SNTG1: variants seen among roughly 807,000 people sequenced by gnomAD.
The protein encoded by SNTG1 is syntrophin gamma 1.
A neutral mutation model predicts 74.7 loss-of-function variants in SNTG1; 39 were observed. That is an observed-to-expected ratio of 0.52 (90% CI 0.40 to 0.68). The LOEUF (loss-of-function observed/expected upper bound fraction) is 0.68. Among genes scored for constraint, SNTG1 ranks in the 30% least tolerant of loss-of-function variants. The probability of loss-of-function intolerance (pLI) is 0.00; values close to 1 mark genes in which losing one functional copy is unlikely to be tolerated. For missense variants in SNTG1, 685 were observed against 609.5 expected (o/e 1.12, Z -1.30); for synonymous variants, 254 against 217.1 (o/e 1.17, Z -1.49).
At chr8:50,024,609 A>AT in intron 1 of SNTG1, among the ~76,000 whole-genome samples, 1 of 152,078 alleles carries the variant, frequency 6.6e-6, no homozygotes, top group East Asian at 1.9e-4. Context: ...TACATGCCAT[A>AT]TTTTTCCCTT....
At chr8:50,305,049 C>T (rs7830244) in intron 2 of SNTG1, among the ~76,000 whole-genome samples, 9,220 of 151,982 alleles carry the variant, frequency 0.061, 314 homozygotes, top group South Asian at 0.075. Context: ...ATTACAGGTG[C>T]GGACCACTAC....
intron 2 of SNTG1, among the ~76,000 whole-genome samples, chr8:50,273,813 G>A (rs1383482878): frequency 6.6e-6 from 1 of 152,130 alleles, no homozygotes; most frequent in African/African-American, 2.4e-5. Flanking sequence ...TTTGACTGAA[G>A]CCAAAGAGGG....
intron 2 of SNTG1, among the ~76,000 whole-genome samples, chr8:50,187,109 C>T (rs762160586): frequency 9.2e-5 from 14 of 151,918 alleles, no homozygotes; most frequent in Non-Finnish European, 1.6e-4. Context: ...TTTATAGGTT[C>T]AATGCTATTT....
intron 1 of SNTG1, among the ~76,000 whole-genome samples, chr8:50,075,592 G>A (rs768831999): frequency 1.3e-5 from 2 of 152,206 alleles, no homozygotes; most frequent in South Asian, 2.1e-4. Flanking sequence ...AAAGCAGGCT[G>A]CCAGAGCCAG....
At chr8:50,637,111 A>C (rs1254726085) in intron 13 of SNTG1, among the ~76,000 whole-genome samples, 3 of 152,224 alleles carry the variant, frequency 2.0e-5, no homozygotes, top group Non-Finnish European at 4.4e-5. Context: ...ATCTAATCAC[A>C]TGGTCATATC....
intron 8 of SNTG1, among the ~76,000 whole-genome samples, chr8:50,466,899 T>A (rs2093612779): frequency 6.6e-6 from 1 of 151,996 alleles, no homozygotes; most frequent in Non-Finnish European, 1.5e-5. Flanking sequence ...TTGCTATACT[T>A]CTTCATTAGT....
At chr8:50,423,318 G>A (rs538308357) in intron 4 of SNTG1, among the ~76,000 whole-genome samples, 51 of 152,178 alleles carry the variant, frequency 3.4e-4, no homozygotes, top group African/African-American at 1.2e-3. Flanking sequence ...GTATATAGTA[G>A]CCACACAACA....
At chr8:50,262,908 A>G (rs901731709) in intron 2 of SNTG1, among the ~76,000 whole-genome samples, 2 of 152,236 alleles carry the variant, frequency 1.3e-5, no homozygotes, top group Non-Finnish European at 2.9e-5. Flanking sequence ...GAGAGAATTT[A>G]AATCACTTGT....
chr8:50,514,067 A>G (rs1322782522), intron 9 of SNTG1, among the ~76,000 whole-genome samples: 2 of 152,050 alleles, frequency 1.3e-5, no homozygotes, highest in Non-Finnish European at 2.9e-5. Context: ...CCCCTGCAAT[A>G]TTTCACTTTT....
chr8:49,960,417 G>C (rs1414146289), intron 1 of SNTG1, among the ~76,000 whole-genome samples: 1 of 151,954 alleles, frequency 6.6e-6, no homozygotes, highest in Non-Finnish European at 1.5e-5. Flanking sequence ...TATGTTTTTG[G>C]GCCACTTACA....
intron 1 of SNTG1, among the ~76,000 whole-genome samples, chr8:50,131,860 T>C (rs1460968618): frequency 2.0e-5 from 3 of 152,060 alleles, no homozygotes; most frequent in Non-Finnish European, 4.4e-5. Context: ...TTTATATATA[T>C]ACAATATATA....
chr8:50,114,331 C>T (rs1355699781), intron 1 of SNTG1, among the ~76,000 whole-genome samples: 1 of 152,086 alleles, frequency 6.6e-6, no homozygotes, highest in African/African-American at 2.4e-5. Context: ...TAGTGACAAA[C>T]ATGCAATAAC....
chr8:50,095,298 A>G (rs2079886170), intron 1 of SNTG1, among the ~76,000 whole-genome samples: 1 of 152,154 alleles, frequency 6.6e-6, no homozygotes, highest in African/African-American at 2.4e-5. Context: ...CATACCCCCA[A>G]ACCTACAATA....
intron 1 of SNTG1, among the ~76,000 whole-genome samples, chr8:50,153,461 G>A (rs914803043): frequency 8.5e-5 from 13 of 152,192 alleles, no homozygotes; most frequent in African/African-American, 1.9e-4. Context: ...GTGTTCCTTT[G>A]GAGGGGGAGA....
At chr8:50,085,804 T>C (rs1350558813) in intron 1 of SNTG1, among the ~76,000 whole-genome samples, 1 of 152,196 alleles carries the variant, frequency 6.6e-6, no homozygotes, top group Non-Finnish European at 1.5e-5. Context: ...ATTTCTCTCA[T>C]CCATGGCTGT....
At chr8:50,112,521 T>TC (rs2080636551) in intron 1 of SNTG1, among the ~76,000 whole-genome samples, 1 of 132,194 alleles carries the variant, frequency 7.6e-6, no homozygotes, top group Admixed American at 7.5e-5. Context: ...CTTTCTTTTT[T>TC]TTTTTTTTTT....
intron 1 of SNTG1, among the ~76,000 whole-genome samples, chr8:50,155,447 C>T (rs1029195058): frequency 2.6e-5 from 4 of 151,462 alleles, no homozygotes; most frequent in Non-Finnish European, 5.9e-5. Flanking sequence ...AAGTTAAAAC[C>T]ACAACAGTTA....
chr8:50,131,188 T>C (rs527539567), intron 1 of SNTG1, among the ~76,000 whole-genome samples: 2 of 152,238 alleles, frequency 1.3e-5, no homozygotes, highest in East Asian at 3.9e-4. Context: ...TGACAGTGTT[T>C]GCTTTCAGTG....
intron 4 of SNTG1, among the ~76,000 whole-genome samples, chr8:50,421,287 TC>T (rs1399562378): frequency 6.6e-6 from 1 of 152,180 alleles, no homozygotes; most frequent in East Asian, 1.9e-4. Flanking sequence ...AGAGAAGCGT[TC>T]GGGGCTGCTA....
Sources: gnomAD v4.1 joint callset for allele counts (sites outside exome capture counted in the v4.1 genomes callset) on GRCh38, gnomAD v4.1.1 for gene constraint, MANE v1.5 for transcripts, NCBI Gene and HGNC (gene_info 2026-07-23, HGNC 2026-07-21) for gene names.